The following UGGT1 variants were observed in gnomAD, a reference collection of about 807,000 sequenced individuals.
The protein encoded by UGGT1 is UDP-glucose:glycoprotein glucosyltransferase 1.
In UGGT1, 107 loss-of-function variants were observed where a neutral mutation model predicts 203.9. The observed-to-expected ratio is 0.52, with a 90% CI of 0.45 to 0.62. The LOEUF is 0.62. Ranked by LOEUF, UGGT1 falls within the 20% of genes least tolerant of loss-of-function variation. UGGT1 has a pLI of 0.00. For synonymous variants in UGGT1, 628 were observed against 653.5 expected (o/e 0.96, Z 0.59); for missense variants, 1,673 against 1,867.2 (o/e 0.90, Z 1.92).
intron 8 of UGGT1, among the ~76,000 whole-genome samples, chr2:128,116,973 C>T (rs1484138580): frequency 1.3e-5 from 2 of 151,880 alleles, no homozygotes; most frequent in South Asian, 2.1e-4. Flanking sequence ...AATATTTTCC[C>T]AGGAAAAAAT....
At chr2:128,125,843 C>T (rs1039801019) in intron 11 of UGGT1, among the ~76,000 whole-genome samples, 1 of 151,646 alleles carries the variant, frequency 6.6e-6, no homozygotes, top group Non-Finnish European at 1.5e-5. Context: ...AATTTAGGGC[C>T]TTTTTCCCCA....
At chr2:128,161,369 G>T in intron 25 of UGGT1, 101 bp downstream of exon 25, 1 of 1,381,820 alleles carries the variant, frequency 7.2e-7, no homozygotes. Context: ...ATATCCCAAG[G>T]AGTTTTATTT....
intron 15 of UGGT1, among the ~76,000 whole-genome samples, chr2:128,135,618 C>G (rs1157731482): frequency 6.6e-6 from 1 of 152,128 alleles, no homozygotes; most frequent in Non-Finnish European, 1.5e-5. Flanking sequence ...TACTACTGGG[C>G]TAAATGCTGT....
intron 39 of UGGT1, 27 bp from the exon 40 acceptor site, chr2:128,187,422 C>T (rs1432358240): frequency 6.2e-7 from 1 of 1,605,650 alleles, no homozygotes; most frequent in Non-Finnish European, 8.5e-7. Context: ...TTCAACTCAG[C>T]TGAAGTGTGT....
At chr2:128,150,066 C>G (rs1177265666) in intron 18 of UGGT1, among the ~76,000 whole-genome samples, 1 of 152,176 alleles carries the variant, frequency 6.6e-6, no homozygotes, top group Non-Finnish European at 1.5e-5. Context: ...AGTGAATATT[C>G]TAATATGTAT....
At chr2:128,187,738 A>G in intron 40 of UGGT1, 124 bp downstream of exon 40, 2 of 1,078,068 alleles carry the variant, frequency 1.9e-6, no homozygotes, top group Non-Finnish European at 1.3e-6. Flanking sequence ...TTCCATTCTA[A>G]CATCAACCAG....
chr2:128,143,753 T>C (rs946852503), intron 17 of UGGT1, among the ~76,000 whole-genome samples: 1 of 152,212 alleles, frequency 6.6e-6, no homozygotes, highest in Non-Finnish European at 1.5e-5. Flanking sequence ...GTCTAGCTTT[T>C]TGAATAGAAG....
At chr2:128,149,992 A>T (rs1689872896) in intron 18 of UGGT1, among the ~76,000 whole-genome samples, 1 of 152,092 alleles carries the variant, frequency 6.6e-6, no homozygotes, top group South Asian at 2.1e-4. Flanking sequence ...TAAAATAAAC[A>T]TTTACTTCAT....
chr2:128,114,981 T>C (rs769355221), intron 6 of UGGT1, 143 bp from the exon 7 acceptor site: 56 of 728,848 alleles, frequency 7.7e-5, no homozygotes, highest in Admixed American at 1.2e-4. Flanking sequence ...ATAGTTAATA[T>C]CGTTAAAAAA....
intron 16 of UGGT1, among the ~76,000 whole-genome samples, chr2:128,141,361 C>T (rs535698206): frequency 1.3e-3 from 197 of 151,860 alleles, no homozygotes; most frequent in Non-Finnish European, 2.5e-3. Flanking sequence ...TTGGGGAGGC[C>T]GAGGCAGGTG....
chr2:128,180,811 T>C, intron 35 of UGGT1, 79 bp from the exon 36 acceptor site: 1 of 1,417,836 alleles, frequency 7.1e-7, no homozygotes, highest in Non-Finnish European at 9.6e-7. Context: ...TCCCGTATCA[T>C]GGTGGTTGGC....
At chr2:128,164,898 T>G in intron 26 of UGGT1, 73 bp downstream of exon 26, 1 of 1,131,948 alleles carries the variant, frequency 8.8e-7, no homozygotes, top group Non-Finnish European at 1.2e-6. Flanking sequence ...CTCAGCTCCT[T>G]CATTTTTCCA....
chr2:128,146,760 CCTA>C (rs890317135), intron 18 of UGGT1, among the ~76,000 whole-genome samples: 41 of 152,156 alleles, frequency 2.7e-4, no homozygotes, highest in Admixed American at 1.3e-4. Flanking sequence ...CCCATTTTGT[CCTA>C]CTCCCAGCCA....
rs1691665888 is a variant in UGGT1 at position 128,181,009 on chromosome 2, C to G, written c.4020C>G (p.Ile1340Met). 6.2e-7 allele frequency: 1 copy of G among 1,614,046 alleles called. No individual in the cohort carries two copies. Among genetic ancestry groups the G allele is most frequent in the Non-Finnish European group, 8.5e-7 (1 of 1,180,034 alleles). ...AGCGTATCATCTGGGGTTACAAGATCCTCTTCCTGGATGTACTTTTCCCAC... is the reference window on the plus strand; with the variant it reads ...AGCGTATCATCTGGGGTTACAAGATGCTCTTCCTGGATGTACTTTTCCCAC... ...EKQRIIWGYK[I>M]LFLDVLFPLV... Residue 1340 changes from isoleucine (I) to methionine (M), a missense_variant, in exon 36 of 41, where the codon ATC (isoleucine) becomes ATG (methionine). Ile to Met is a conservative substitution (Grantham distance 10, BLOSUM62 1). This residue lies in a region of UGGT1 where 513 missense variants were observed against 684.1 expected (regional missense o/e 0.75). Coordinates refer to ENST00000259253, the MANE Select transcript of UGGT1 (RefSeq NM_020120.4).
rs539922896 is a variant in UGGT1 at position 128,150,583 on chromosome 2, G to A, written c.2017-2201G>A. 4.0e-5 allele frequency among the ~76,000 whole-genome samples: 6 copies of A among 151,628 alleles called. No homozygotes were observed. The East Asian group carries it at 1.2e-3, about 29-fold the overall frequency. ...CATGTGTGTGTGTGTGTGTCTGTGT[G>A]TGCACGCATGTGTGCATGTGTGTGT... On this transcript the variant is annotated intron_variant, in intron 18 of 40. Coordinates refer to ENST00000259253, the MANE Select transcript of UGGT1 (RefSeq NM_020120.4).
intron 6 of UGGT1, among the ~76,000 whole-genome samples, chr2:128,114,108 A>C (rs1223470843): frequency 6.6e-6 from 1 of 152,062 alleles, no homozygotes; most frequent in Non-Finnish European, 1.5e-5. Context: ...AAAAAAATAA[A>C]ATTTTATTTA....
chr2:128,152,927 C>A (rs1380438224), intron 19 of UGGT1, 23 bp downstream of exon 19: 1 of 1,606,864 alleles, frequency 6.2e-7, no homozygotes, highest in Non-Finnish European at 8.5e-7. Context: ...TCAGGAACAA[C>A]CTTATGCTTT....
At position 128,173,882 on chromosome 2, in the gene UGGT1, T is replaced by C. The variant is rs955492581; in HGVS notation, c.3396T>C (p.Phe1132=). The C allele has an allele frequency of 6.2e-7, 1 of 1,614,202 alleles. No homozygotes were observed. Among genetic ancestry groups the C allele is most frequent in the Non-Finnish European group, 8.5e-7 (1 of 1,180,030 alleles). The change falls in exon 30 of 41, where the codon TTT becomes TTC. Residue 1132 remains phenylalanine, a synonymous_variant. Coordinates refer to ENST00000259253, the MANE Select transcript of UGGT1 (RefSeq NM_020120.4). The part of the protein sequence containing the change: ...TTGQPPRGLQ[F]TLGTSANPVI... Reference sequence around the variant, plus strand: ...GCCAGCCTCCACGGGGACTACAGTTTACCTTAGGAACTTCAGCCAACCCGG... The same window carrying C: ...GCCAGCCTCCACGGGGACTACAGTTCACCTTAGGAACTTCAGCCAACCCGG...
intron 8 of UGGT1, among the ~76,000 whole-genome samples, chr2:128,118,933 G>C (rs1470190811): frequency 2.0e-5 from 3 of 152,060 alleles, no homozygotes; most frequent in Non-Finnish European, 4.4e-5. Context: ...GCCTCCCAAA[G>C]TGCTAGGATT....
Sources: allele counts gnomAD v4.1 joint callset (sites outside exome capture counted in the v4.1 genomes callset), GRCh38; gene constraint gnomAD v4.1.1; regional missense constraint gnomAD v4.1.1; transcripts MANE v1.5; gene names NCBI Gene and HGNC (gene_info 2026-07-23, HGNC 2026-07-21).